Variants in SRGAP1 observed in about 807,000 individuals in gnomAD.
SRGAP1 encodes SLIT-ROBO Rho GTPase activating protein 1.
SRGAP1 carries 43 observed loss-of-function variants against 121.9 expected under a neutral mutation model. The ratio of observed to expected loss-of-function variants is 0.35; its 90% CI spans 0.28 to 0.46. The LOEUF (loss-of-function observed/expected upper bound fraction) is 0.46, where lower values mean the gene tolerates loss of function less well. SRGAP1 is among the 20% of genes least tolerant of loss of function. SRGAP1 has a pLI of 1.00. For missense variants in SRGAP1, 1,102 were observed against 1,350.9 expected (o/e 0.82, Z 2.89); for synonymous variants, 447 against 485.4 (o/e 0.92, Z 1.04).
chr12:64,066,964 A>G (rs541490185), intron 8 of SRGAP1, among the ~76,000 whole-genome samples: 1 of 152,342 alleles, frequency 6.6e-6, no homozygotes, highest in South Asian at 2.1e-4. Flanking sequence ...ATTATACACA[A>G]AGTCAAAACT....
intron 12 of SRGAP1, among the ~76,000 whole-genome samples, chr12:64,092,455 G>A: frequency 6.8e-6 from 1 of 147,150 alleles, no homozygotes; most frequent in East Asian, 2.0e-4. Flanking sequence ...CATGTATAAG[G>A]ACATACATAC....
chr12:63,949,396 T>TTTA (rs71089906), intron 1 of SRGAP1, among the ~76,000 whole-genome samples: 3,634 of 125,982 alleles, frequency 0.029, 72 homozygotes, highest in African/African-American at 0.042. Flanking sequence ...ATTTTTATTA[T>TTTA]TTATTATTAT....
intron 3 of SRGAP1, among the ~76,000 whole-genome samples, chr12:63,991,974 A>C (rs1031592139): frequency 1.3e-5 from 2 of 152,196 alleles, no homozygotes; most frequent in Non-Finnish European, 2.9e-5. Flanking sequence ...AACTCTACCT[A>C]GGGGATGAGG....
intron 1 of SRGAP1, among the ~76,000 whole-genome samples, chr12:63,906,388 C>T (rs1288608211): frequency 2.0e-5 from 3 of 148,108 alleles, no homozygotes; most frequent in Non-Finnish European, 4.5e-5. Flanking sequence ...GATCTCGGCT[C>T]ACTGCAAGCT....
rs1368036713 is a variant in SRGAP1 at position 64,147,097 on chromosome 12, G to A, written c.*4425G>A. On this transcript the variant is annotated 3_prime_UTR_variant, in exon 22 of 22. Coordinates refer to ENST00000355086, the MANE Select transcript of SRGAP1 (RefSeq NM_020762.4). ...AGTGTGTAGTGTGATGGTTATTATAGATATTTAAAGTATAGTAAGTGGCTG... is the reference window on the plus strand; with the variant it reads ...AGTGTGTAGTGTGATGGTTATTATAAATATTTAAAGTATAGTAAGTGGCTG... The A allele has an allele frequency of 6.0e-6, 1 of 166,270 alleles. No individual in the cohort carries two copies. Among genetic ancestry groups the A allele is most frequent in the Non-Finnish European group, 1.3e-5 (1 of 77,994 alleles). The allele number at this position is 166,270 out of a possible 1,614,324, so 10.3% of individuals were successfully genotyped here.
intron 1 of SRGAP1, among the ~76,000 whole-genome samples, chr12:63,943,025 C>T (rs17099949): frequency 0.12 from 17,913 of 152,152 alleles, 1,400 homozygotes; most frequent in Non-Finnish European, 0.17. Flanking sequence ...ATCCCAAGTT[C>T]GTATGTTTCT....
At chr12:63,856,815 T>C (rs749033422) in intron 1 of SRGAP1, among the ~76,000 whole-genome samples, 1 of 152,204 alleles carries the variant, frequency 6.6e-6, no homozygotes, top group Non-Finnish European at 1.5e-5. Context: ...TTAGTTGGCC[T>C]TCCATTGAAA....
intron 3 of SRGAP1, among the ~76,000 whole-genome samples, chr12:64,000,280 A>AGTGTGTGTGT (rs1275844865): frequency 3.3e-5 from 4 of 120,048 alleles, no homozygotes; most frequent in African/African-American, 1.3e-4. Context: ...GTGTGTAAAA[A>AGTGTGTGTGT]AAAAAAACCA....
chr12:64,032,975 T>G (rs894630293), intron 4 of SRGAP1, among the ~76,000 whole-genome samples: 3 of 152,274 alleles, frequency 2.0e-5, no homozygotes, highest in Middle Eastern at 3.4e-3. Context: ...TGTGTACAAT[T>G]TTTTTGTGTC....
At chr12:64,024,775 A>G (rs1017418763) in intron 4 of SRGAP1, among the ~76,000 whole-genome samples, 3 of 152,182 alleles carry the variant, frequency 2.0e-5, no homozygotes, top group African/African-American at 4.8e-5. Context: ...GCACCTCTTC[A>G]TAGGGCATCA....
chr12:63,861,507 C>G (rs1041821475), intron 1 of SRGAP1, among the ~76,000 whole-genome samples: 1 of 151,624 alleles, frequency 6.6e-6, no homozygotes, highest in Non-Finnish European at 1.5e-5. Context: ...CCATGTTAGC[C>G]AGGCTGGCCT....
At chr12:63,860,707 T>C (rs561785495) in intron 1 of SRGAP1, among the ~76,000 whole-genome samples, 57 of 152,312 alleles carry the variant, frequency 3.7e-4, no homozygotes, top group African/African-American at 1.3e-3. Context: ...CAGAAGTATG[T>C]TTATTAGTCT....
chr12:64,058,784 C>A (rs1261800562), intron 6 of SRGAP1, among the ~76,000 whole-genome samples: 1 of 148,102 alleles, frequency 6.8e-6, no homozygotes, highest in Admixed American at 6.8e-5. Flanking sequence ...TGAATCTTAA[C>A]AGATCCAGTG....
intron 1 of SRGAP1, among the ~76,000 whole-genome samples, chr12:63,850,901 A>G (rs1020730064): frequency 3.9e-5 from 6 of 152,188 alleles, no homozygotes; most frequent in African/African-American, 9.6e-5. Context: ...CCTGTAATCA[A>G]TCCTAGCACT....
rs2036991467 is a variant in SRGAP1 at position 64,142,968 on chromosome 12, T to G, written c.*296T>G. 5.9e-6 allele frequency: 2 copies of G among 338,388 alleles called. No homozygotes were observed. Among genetic ancestry groups the G allele is most frequent in the Admixed American group, 8.7e-5 (2 of 22,892 alleles). The allele number at this position is 338,388 out of a possible 1,614,324, so 21.0% of individuals were successfully genotyped here. On this transcript the variant is annotated 3_prime_UTR_variant, in exon 22 of 22. Coordinates refer to ENST00000355086, the MANE Select transcript of SRGAP1 (RefSeq NM_020762.4). ...ATGAAGGCAACACCGCTCTCCACAT[T>G]GTACAGAGCTTCAGGTTTAATGTAG...
At chr12:64,083,222 G>T (rs1001193911) in intron 10 of SRGAP1, among the ~76,000 whole-genome samples, 1 of 152,110 alleles carries the variant, frequency 6.6e-6, no homozygotes, top group Non-Finnish European at 1.5e-5. Context: ...ACTAATACAG[G>T]ATTCAATGGT....
At chr12:63,916,197 C>T (rs1158373680) in intron 1 of SRGAP1, among the ~76,000 whole-genome samples, 2 of 151,990 alleles carry the variant, frequency 1.3e-5, no homozygotes, top group Admixed American at 6.6e-5. Context: ...CCATGCCTGC[C>T]TGATTTTTCT....
intron 4 of SRGAP1, among the ~76,000 whole-genome samples, chr12:64,024,824 T>C (rs966042164): frequency 5.9e-5 from 9 of 152,148 alleles, no homozygotes; most frequent in Admixed American, 3.3e-4. Context: ...GCAGCCCTTA[T>C]AAAACCACCA....
intron 1 of SRGAP1, among the ~76,000 whole-genome samples, chr12:63,870,642 T>G (rs1477262102): frequency 6.7e-6 from 1 of 150,346 alleles, no homozygotes; most frequent in Non-Finnish European, 1.5e-5. Flanking sequence ...GGGGTTCAAG[T>G]GATTCTCCTG....
Sources: allele counts gnomAD v4.1 joint callset (sites outside exome capture counted in the v4.1 genomes callset), GRCh38; gene constraint gnomAD v4.1.1; transcripts MANE v1.5; gene names NCBI Gene and HGNC (gene_info 2026-07-23, HGNC 2026-07-21).